The following ARHGEF16 variants were observed in gnomAD, a reference collection of about 807,000 sequenced individuals.
The protein encoded by ARHGEF16 is Rho guanine exchange factor (GEF) 16.
ARHGEF16 carries 59 observed loss-of-function variants against 74.1 expected under a neutral mutation model. That is an observed-to-expected ratio of 0.80 (90% CI 0.65 to 0.99). The LOEUF (loss-of-function observed/expected upper bound fraction) is 0.99. Ranked by LOEUF, ARHGEF16 falls within the 50% of genes least tolerant of loss-of-function variation. The pLI, the probability that ARHGEF16 is intolerant of heterozygous loss-of-function variation, is 0.00. For synonymous variants in ARHGEF16, 415 were observed against 412.6 expected (o/e 1.01, Z -0.07); for missense variants, 948 against 986.6 (o/e 0.96, Z 0.52).
intron 8 of ARHGEF16, chr1:3,474,363 CAG>C (rs1330615380): frequency 3.2e-6 from 1 of 312,050 alleles, no homozygotes; most frequent in Non-Finnish European, 6.2e-6. Context: ...CCAAGCCAAA[CAG>C]AACCTCAAAC....
chr1:3,468,745 G>A (rs1158972128), intron 4 of ARHGEF16, 135 bp from the exon 5 acceptor site: 4 of 927,392 alleles, frequency 4.3e-6, no homozygotes, highest in Non-Finnish European at 5.1e-6. Context: ...GCCTACTCCA[G>A]GATCGGACCT....
intron 14 of ARHGEF16, 73 bp downstream of exon 14, chr1:3,479,986 A>G (rs568484363): frequency 1.4e-6 from 2 of 1,469,962 alleles, no homozygotes; most frequent in Non-Finnish European, 1.9e-6. Flanking sequence ...CAGCCTGGCC[A>G]GGTCCAGAGC....
chr1:3,456,779 C>A (rs1557684174), intron 1 of ARHGEF16, among the ~76,000 whole-genome samples: 1 of 152,216 alleles, frequency 6.6e-6, no homozygotes, highest in Non-Finnish European at 1.5e-5. Context: ...TTTGGGGGAA[C>A]CCCGTGAGTG....
At position 3,480,868 on chromosome 1, in the gene ARHGEF16, C is replaced by A; in HGVS notation, c.*281C>A. ...GCTGGGCCCCTCAGCTGCTGGGCCC[C>A]ACCTCCCCACTGCACCCAGGGGGCA... On this transcript the variant is annotated 3_prime_UTR_variant, in exon 15 of 15. Coordinates refer to ENST00000378378, the MANE Select transcript of ARHGEF16 (RefSeq NM_014448.4). 1 of 507,124 alleles carries A rather than the reference C, an allele frequency of 2.0e-6. No homozygotes were observed. The highest frequency in any genetic ancestry group is 3.5e-6 in the Non-Finnish European group (1 of 283,832). The allele number at this position is 507,124 out of a possible 1,614,324, so 31.4% of individuals were successfully genotyped here. A position where few individuals can be genotyped will look rare whatever the true frequency, so the allele number is the denominator to read the frequency against.
chr1:3,456,335 T>C (rs971108717), intron 1 of ARHGEF16, among the ~76,000 whole-genome samples: 1 of 152,202 alleles, frequency 6.6e-6, no homozygotes, highest in African/African-American at 2.4e-5. Context: ...TGTGTTCACG[T>C]TGTGATCCAG....
In ARHGEF16 at chr1:3,473,096, G is replaced by GCAGC. The variant is rs1447698982; in HGVS notation, c.1042_1045dup (p.Arg349ProfsTer14). On this transcript the variant is annotated frameshift_variant, in exon 7 of 15. Transcript: ENST00000378378. LOFTEE classifies it high-confidence loss of function. ...CCTTCAGGTTCTTCGAGGACCTGGAGCAGCGGCACAAGGCCCAGGTGCTGG... is the reference window on the plus strand; with the variant it reads ...CCTTCAGGTTCTTCGAGGACCTGGAGCAGCCAGCGGCACAAGGCCCAGGTGCTGG... The GCAGC allele has an allele frequency of 1.2e-6, 2 of 1,613,034 alleles. No homozygotes were observed. Among genetic ancestry groups the GCAGC allele is most frequent in the African/African-American group, 2.7e-5 (2 of 74,944 alleles).
At chr1:3,471,629 C>T (rs1639725518) in intron 6 of ARHGEF16, 3 of 1,183,194 alleles carry the variant, frequency 2.5e-6, no homozygotes, top group African/African-American at 1.7e-5. Context: ...GCTCTGTGTC[C>T]TCCGGTCCCC....
At position 3,480,623 on chromosome 1, in the gene ARHGEF16, CT is replaced by C; in HGVS notation, c.*37del. 1 of 1,595,020 alleles carries C rather than the reference CT, an allele frequency of 6.3e-7. No individual in the cohort carries two copies. ...GCCAGCCGGCGGCAGCACAGCCTGT[CT>C]CCAATCAGCAAGTGGTCGTGCCTGG... On this transcript the variant is annotated 3_prime_UTR_variant, in exon 15 of 15. Coordinates refer to ENST00000378378, the MANE Select transcript of ARHGEF16 (RefSeq NM_014448.4).
At chr1:3,461,354 C>T (rs531391669) in intron 1 of ARHGEF16, among the ~76,000 whole-genome samples, 7 of 152,348 alleles carry the variant, frequency 4.6e-5, no homozygotes, top group South Asian at 4.1e-4. Context: ...ACGCTTTGCA[C>T]GCTTTACACT....
At chr1:3,479,985 C>G in intron 14 of ARHGEF16, 72 bp downstream of exon 14, 1 of 1,484,146 alleles carries the variant, frequency 6.7e-7, no homozygotes, top group Non-Finnish European at 9.3e-7. Flanking sequence ...CCAGCCTGGC[C>G]AGGTCCAGAG....
At chr1:3,473,021 C>T (rs1639775840) in intron 6 of ARHGEF16, 57 bp from the exon 7 acceptor site, 7 of 1,572,876 alleles carry the variant, frequency 4.5e-6, no homozygotes, top group South Asian at 1.2e-5. Context: ...TGTGTGTGCA[C>T]ACGTGGGGCC....
rs777765984 is a variant in ARHGEF16 at position 3,479,554 on chromosome 1, A to T, written c.1852A>T (p.Ser618Cys). ...ACGGTGGATCGTGGCGCTCACACAC[A>T]GTGAGAGACAGTGGCAGGGCCTCTC... ...RARWIVALTH[S>C]ERQWQGLSSK... Residue 618 changes from serine to cysteine, a missense_variant, in exon 13 of 15, where the codon AGT becomes TGT. By Grantham distance (112) the Ser-to-Cys change is moderately radical. Transcript: ENST00000378378. The T allele has an allele frequency of 6.2e-7, 1 of 1,612,590 alleles. No individual in the cohort carries two copies. Among genetic ancestry groups the T allele is most frequent in the Non-Finnish European group, 8.5e-7 (1 of 1,179,892 alleles).
At chr1:3,470,639 C>CGTGGGTG (rs1639685877) in intron 6 of ARHGEF16, among the ~76,000 whole-genome samples, 1 of 108,930 alleles carries the variant, frequency 9.2e-6, no homozygotes, top group African/African-American at 3.6e-5. Flanking sequence ...GCAGGGATGT[C>CGTGGGTG]TGTGTATCTG....
chr1:3,466,377 A>T (rs1639545503), intron 3 of ARHGEF16, among the ~76,000 whole-genome samples, 184 bp downstream of exon 3: 1 of 151,862 alleles, frequency 6.6e-6, no homozygotes, highest in Admixed American at 6.6e-5. Context: ...ATGAGTCTAG[A>T]AAGGTCTAGA....
rs1167182963 is a variant in ARHGEF16 at position 3,479,794 on chromosome 1, G to A, written c.1889-18G>A. Reference sequence around the variant, plus strand: ...CCATGCCTCCCGACAGCCCTGTGATGGCCACTGCCCTATGCAGACCTGCCC... The same window carrying A: ...CCATGCCTCCCGACAGCCCTGTGATAGCCACTGCCCTATGCAGACCTGCCC... On this transcript the variant is annotated intron_variant, in intron 13 of 14. Transcript: ENST00000378378. The A allele has an allele frequency of 6.2e-7, 1 of 1,610,292 alleles. No homozygotes were observed. The highest frequency in any genetic ancestry group is 2.2e-5 in the East Asian group (1 of 44,872).
rs540717156 is a variant in ARHGEF16, at chr1:3,474,614, C to T, written c.1306-94C>T. The T allele has an allele frequency of 1.1e-4, 141 of 1,254,690 alleles. 1 individual carries two copies. The East Asian group carries it at 2.2e-3, about 19-fold the overall frequency. 77.7% of individuals were successfully genotyped at this position (1,254,690 alleles called of 1,614,324 possible). A position where few individuals can be genotyped will look rare whatever the true frequency, so the allele number is the denominator to read the frequency against. On this transcript the variant is annotated intron_variant, in intron 8 of 14. Transcript: ENST00000378378. ...GCCCCCTGGGGGCAGCTGTTGACCA[C>T]CCTGCAGCCCCACACGGGGTCTGGC... is the stretch of plus-strand genomic sequence containing the variant.
At chr1:3,459,257 C>T (rs1639337554) in intron 1 of ARHGEF16, among the ~76,000 whole-genome samples, 1 of 152,178 alleles carries the variant, frequency 6.6e-6, no homozygotes, top group African/African-American at 2.4e-5. Context: ...AGCAGGTGCG[C>T]CAGACCCTCA....
chr1:3,461,800 G>A (rs1473070006), intron 1 of ARHGEF16, among the ~76,000 whole-genome samples: 1 of 152,238 alleles, frequency 6.6e-6, no homozygotes, highest in South Asian at 2.1e-4. Context: ...GGCCATTGAG[G>A]CTCTGCCTGG....
intron 6 of ARHGEF16, among the ~76,000 whole-genome samples, chr1:3,470,724 C>G (rs967211401): frequency 1.4e-5 from 2 of 143,732 alleles, no homozygotes; most frequent in African/African-American, 5.3e-5. Context: ...TGTGCGTGGT[C>G]AGGGGTGTGT....
Sources: gnomAD v4.1 joint callset for allele counts (sites outside exome capture counted in the v4.1 genomes callset) on GRCh38, gnomAD v4.1.1 for gene constraint, MANE v1.5 for transcripts, NCBI Gene and HGNC (gene_info 2026-07-23, HGNC 2026-07-21) for gene names.